The following EYA2 variants were observed in gnomAD, a reference collection of about 807,000 sequenced individuals.
The protein encoded by EYA2 is EYA transcriptional coactivator and phosphatase 2, also known as protein phosphatase EYA2.
EYA2 carries 31 observed loss-of-function variants against 69.2 expected under a neutral mutation model. That is an observed-to-expected ratio of 0.45 (90% CI 0.34 to 0.60). The LOEUF (loss-of-function observed/expected upper bound fraction) is 0.60, where lower values mean the gene tolerates loss of function less well. Ranked by LOEUF, EYA2 falls within the 20% of genes least tolerant of loss-of-function variation. EYA2 has a pLI of 0.02. For missense variants in EYA2, 622 were observed against 701.2 expected, an observed-to-expected ratio of 0.89 and a Z score of 1.28; for synonymous variants, 257 against 279.4, an observed-to-expected ratio of 0.92 and a Z score of 0.80.
At chr20:47,143,410 G>A (rs561191769) in intron 10 of EYA2, among the ~76,000 whole-genome samples, 1 of 152,228 alleles carries the variant, frequency 6.6e-6, no homozygotes, top group South Asian at 2.1e-4. Flanking sequence ...CAGTGGTAGT[G>A]TCCACTGGCA....
intron 10 of EYA2, 87 bp from the exon 11 acceptor site, chr20:47,169,052 C>T (rs1432488486): frequency 2.4e-5 from 30 of 1,266,582 alleles, no homozygotes; most frequent in Non-Finnish European, 3.3e-5. Context: ...TCCCAGCCCT[C>T]AGCTTATGAG....
chr20:47,030,499 G>A (rs2146396241), intron 5 of EYA2, among the ~76,000 whole-genome samples: 1 of 151,466 alleles, frequency 6.6e-6, no homozygotes, highest in Admixed American at 6.6e-5. Context: ...GCCCCAGGCT[G>A]ACAGTCAAGC....
At chr20:47,132,702 T>C (rs1353755521) in intron 9 of EYA2, among the ~76,000 whole-genome samples, 2 of 152,234 alleles carry the variant, frequency 1.3e-5, no homozygotes, top group African/African-American at 2.4e-5. Context: ...CATTCATGGA[T>C]ACCTTGTGAA....
chr20:46,969,863 G>C (rs139028401), intron 1 of EYA2, among the ~76,000 whole-genome samples: 50 of 152,304 alleles, frequency 3.3e-4, no homozygotes, highest in African/African-American at 1.2e-3. Flanking sequence ...CACCATTTGT[G>C]TACAAACATC....
intron 4 of EYA2, among the ~76,000 whole-genome samples, chr20:47,015,634 C>T (rs1983361932): frequency 6.6e-6 from 1 of 152,106 alleles, no homozygotes; most frequent in Admixed American, 6.5e-5. Flanking sequence ...AATATGAGAC[C>T]TTCATACCTA....
chr20:46,910,003 T>TTTATTTCAAGTAAGGGTGTTTGTCTTAC (rs1984566372), intron 1 of EYA2, among the ~76,000 whole-genome samples: 1 of 152,240 alleles, frequency 6.6e-6, no homozygotes, highest in South Asian at 2.1e-4. Flanking sequence ...AAGATTATCT[T>TTTATTTCAAGTAAGGGTGTTTGTCTTAC]TTATTTCAAG....
chr20:47,113,153 G>T (rs1055432866), intron 9 of EYA2, among the ~76,000 whole-genome samples: 2 of 152,068 alleles, frequency 1.3e-5, no homozygotes, highest in Non-Finnish European at 2.9e-5. Flanking sequence ...GATTACAGGT[G>T]TGAGCCACCG....
At chr20:47,112,171 G>A (rs2032763254) in intron 9 of EYA2, among the ~76,000 whole-genome samples, 2 of 152,100 alleles carry the variant, frequency 1.3e-5, no homozygotes, top group Admixed American at 1.3e-4. Flanking sequence ...TGACTATTTA[G>A]GAGGAAAAGA....
At chr20:46,960,392 G>A (rs948625343) in intron 1 of EYA2, among the ~76,000 whole-genome samples, 2 of 152,180 alleles carry the variant, frequency 1.3e-5, no homozygotes, top group Non-Finnish European at 2.9e-5. Flanking sequence ...TAAGTTTACT[G>A]ATGTATTTAC....
At chr20:46,932,735 A>C (rs1023133995) in intron 1 of EYA2, among the ~76,000 whole-genome samples, 9 of 152,126 alleles carry the variant, frequency 5.9e-5, no homozygotes, top group African/African-American at 2.2e-4. Flanking sequence ...ATACAAAAAA[A>C]ATCAGCCAGG....
rs80168051 is a variant in EYA2, at chr20:47,067,771, A to G, written c.416-4414A>G. On this transcript the variant is annotated intron_variant, in intron 5 of 15. Coordinates refer to ENST00000327619, the MANE Select transcript of EYA2 (RefSeq NM_005244.5). ...CCAGCTTTTTTATCCTTTTCTTTCT[A>G]TGAGAAGAATTTCCTGTACCCATTC... 3.0e-3 allele frequency among the ~76,000 whole-genome samples: 456 copies of G among 151,254 alleles called. 1 individual carries two copies. The highest frequency in any genetic ancestry group is 0.01 in the African/African-American group (430 of 41,176).
intron 10 of EYA2, among the ~76,000 whole-genome samples, chr20:47,166,697 C>T (rs1293907980): frequency 6.6e-6 from 1 of 151,950 alleles, no homozygotes; most frequent in Non-Finnish European, 1.5e-5. Context: ...TATGCAGTAG[C>T]CACTGTGCAC....
At position 47,063,424 on chromosome 20, in the gene EYA2, TGTG is replaced by T. The variant is rs2030983044; in HGVS notation, c.416-8760_416-8758del. The stretch of plus-strand genomic sequence containing the variant: ...GTGTGTGTGTGTGTGTGTGTGTGTG[TGTG>T]TGTTTTGAGACAGTGAGGCAGGAGA... On this transcript the variant is annotated intron_variant, in intron 5 of 15. Transcript: ENST00000327619. 2.0e-5 allele frequency among the ~76,000 whole-genome samples: 3 copies of T among 150,910 alleles called. No individual in the cohort carries two copies. In the East Asian group the frequency reaches 5.8e-4, roughly 29 times the overall value.
intron 10 of EYA2, among the ~76,000 whole-genome samples, chr20:47,168,050 T>A (rs2034240924): frequency 6.6e-6 from 1 of 152,072 alleles, no homozygotes; most frequent in South Asian, 2.1e-4. Context: ...CTTCCAAAAG[T>A]GCCAGCCAAC....
intron 8 of EYA2, among the ~76,000 whole-genome samples, chr20:47,094,938 G>A (rs2032201255): frequency 6.6e-6 from 1 of 152,152 alleles, no homozygotes; most frequent in Admixed American, 6.5e-5. Context: ...AGGCTGAGGT[G>A]GGAGGATCGC....
chr20:47,059,222 G>A (rs1383965630), intron 5 of EYA2, among the ~76,000 whole-genome samples: 3 of 152,214 alleles, frequency 2.0e-5, no homozygotes, highest in African/African-American at 7.2e-5. Flanking sequence ...CCCACGCTGG[G>A]AGTGCCACAG....
intron 6 of EYA2, 41 bp from the exon 7 acceptor site, chr20:47,074,117 G>A: frequency 6.5e-7 from 1 of 1,527,512 alleles, no homozygotes; most frequent in Non-Finnish European, 8.9e-7. Context: ...GCCCAGAAAG[G>A]CTTCCTCACA....
intron 1 of EYA2, among the ~76,000 whole-genome samples, chr20:46,949,701 G>T (rs1364441405): frequency 6.6e-6 from 1 of 152,240 alleles, no homozygotes; most frequent in Non-Finnish European, 1.5e-5. Context: ...TGGATGGACT[G>T]CTCAAGATTG....
intron 9 of EYA2, chr20:47,117,412 T>C: frequency 1.0e-6 from 1 of 985,398 alleles, no homozygotes; most frequent in Non-Finnish European, 1.2e-6. Flanking sequence ...TTCTTGCAGA[T>C]CCAGAGGCCA....
Sources: gnomAD v4.1 joint callset for allele counts (sites outside exome capture counted in the v4.1 genomes callset) on GRCh38, gnomAD v4.1.1 for gene constraint, MANE v1.5 for transcripts, NCBI Gene and HGNC (gene_info 2026-07-23, HGNC 2026-07-21) for gene names.